The following IYD variants were observed in gnomAD, a reference collection of about 807,000 sequenced individuals.
IYD encodes the protein iodotyrosine deiodinase, also known as iodotyrosine deiodinase 1.
A neutral mutation model predicts 28.4 loss-of-function variants in IYD; 25 were observed. The observed-to-expected ratio is 0.88, with a 90% CI of 0.64 to 1.23. The LOEUF (loss-of-function observed/expected upper bound fraction) is 1.23. Ranked by LOEUF, IYD falls within the 50% of genes most tolerant of loss-of-function variation. IYD has a pLI of 0.00. For synonymous variants in IYD, 140 were observed against 130.8 expected (o/e 1.07, Z -0.48); for missense variants, 352 against 357.9 (o/e 0.98, Z 0.13).
At chr6:150,388,667 C>CTTTCTTTCTTTCTTTT (rs1554231505) in intron 1 of IYD, among the ~76,000 whole-genome samples, 18 of 135,938 alleles carry the variant, frequency 1.3e-4, no homozygotes, top group African/African-American at 4.9e-4. Flanking sequence ...TTCTTTCTTT[C>CTTTCTTTCTTTCTTTT]TTTCTTTCTT....
intron 1 of IYD, among the ~76,000 whole-genome samples, chr6:150,383,101 G>A (rs987747725): frequency 2.3e-4 from 35 of 152,178 alleles, no homozygotes; most frequent in African/African-American, 1.2e-4. Flanking sequence ...ATGCACTTTT[G>A]TGCTTACATG....
Position 150,389,353 on chromosome 6 carries a change from T to C in IYD, c.180T>C (p.Asp60=). Reference sequence around the variant, plus strand: ...TACCTTTCTTATTCTTATTTGCAGATGCTGATGAATGGCAAGAATCAGAAG... The same window carrying C: ...TACCTTTCTTATTCTTATTTGCAGACGCTGATGAATGGCAAGAATCAGAAG... ...DSSDLHQAEE[D]ADEWQESEEN... is the part of the protein sequence containing the mutation. The change falls in exon 2 of 5, where the codon GAT becomes GAC. Residue 60 remains aspartate, a splice_region_variant and synonymous_variant. Coordinates refer to ENST00000344419, the MANE Select transcript of IYD (RefSeq NM_203395.3). 2 of 1,612,104 alleles carry C rather than the reference T, an allele frequency of 1.2e-6. No individual in the cohort carries two copies. The highest frequency in any genetic ancestry group is 4.5e-5 in the East Asian group (2 of 44,860).
chr6:150,371,923 C>T (rs1472195220), intron 1 of IYD, among the ~76,000 whole-genome samples: 1 of 152,130 alleles, frequency 6.6e-6, no homozygotes, highest in African/African-American at 2.4e-5. Flanking sequence ...GGCTTCTCAG[C>T]CCCCCAAGTC....
At chr6:150,392,945 A>C (rs934540514) in intron 3 of IYD, among the ~76,000 whole-genome samples, 15 of 151,948 alleles carry the variant, frequency 9.9e-5, no homozygotes, top group African/African-American at 3.1e-4. Flanking sequence ...AGGGGAATTC[A>C]GTGTAAGTAG....
chr6:150,369,872 A>G (rs1467368849), intron 1 of IYD: 10 of 670,084 alleles, frequency 1.5e-5, no homozygotes, highest in Admixed American at 2.2e-5. Flanking sequence ...CCAAAGGAGC[A>G]GAAGCACCTG....
chr6:150,398,157 C>T lies in IYD; in HGVS notation c.790C>T (p.Pro264Ser). 6.2e-7 allele frequency: 1 copy of T among 1,614,212 alleles called. No individual in the cohort carries two copies. Among genetic ancestry groups the T allele is most frequent in the Non-Finnish European group, 8.5e-7 (1 of 1,180,040 alleles). The change falls in exon 5 of 5, where the codon CCC (proline) becomes TCC (serine). Residue 264 changes from proline (P) to serine (S), a missense_variant. Coordinates refer to ENST00000344419, the MANE Select transcript of IYD (RefSeq NM_203395.3). ...ACATGAAAAGCTGCTGATGCTGCTC[C>T]CCGTGGGGTACCCCAGCAAGGAGGC... ...PAHEKLLMLLPVGYPSKEATV... is the reference protein window; with the variant it reads ...PAHEKLLMLLSVGYPSKEATV...
chr6:150,377,954 C>T (rs1777509807), intron 1 of IYD, among the ~76,000 whole-genome samples: 1 of 152,148 alleles, frequency 6.6e-6, no homozygotes, highest in African/African-American at 2.4e-5. Flanking sequence ...ACCACTCCCC[C>T]ATCACACATA....
chr6:150,390,978 C>T (rs985126559), intron 2 of IYD, among the ~76,000 whole-genome samples: 17 of 152,138 alleles, frequency 1.1e-4, no homozygotes, highest in Non-Finnish European at 1.5e-5. Context: ...GTGGTTCACA[C>T]CTGTAATCCC....
intron 1 of IYD, among the ~76,000 whole-genome samples, chr6:150,383,404 A>G (rs1166950223): frequency 6.6e-6 from 1 of 152,194 alleles, no homozygotes; most frequent in Non-Finnish European, 1.5e-5. Flanking sequence ...GGGCATTTGA[A>G]TGCTGGTCTA....
intron 1 of IYD, chr6:150,370,108 C>T (rs1389513340): frequency 2.9e-6 from 2 of 694,930 alleles, no homozygotes; most frequent in Non-Finnish European, 5.3e-6. Context: ...CTGTGATCTT[C>T]AGCTGGGCTA....
intron 3 of IYD, among the ~76,000 whole-genome samples, chr6:150,393,253 C>T (rs968602326): frequency 6.6e-6 from 1 of 152,182 alleles, no homozygotes; most frequent in Non-Finnish European, 1.5e-5. Context: ...GTAGCTTGCC[C>T]AGTGGCCAAG....
intron 2 of IYD, chr6:150,389,756 T>TGAC (rs1778041346): frequency 1.8e-6 from 1 of 542,220 alleles, no homozygotes; most frequent in East Asian, 3.3e-5. Flanking sequence ...GAAGAAGATG[T>TGAC]GACAATAGTT....
Position 150,372,644 on chromosome 6 carries a change from T to TG in IYD, c.178+3440dup, listed in dbSNP as rs35274793. On this transcript the variant is annotated intron_variant, in intron 1 of 4. Coordinates refer to ENST00000344419, the MANE Select transcript of IYD (RefSeq NM_203395.3). Reference sequence around the variant, plus strand: ...TAGACATGTGTGTGTATGGGTGGGGTGGGGGTGGTGAGGGAACATTGTGTG... The same window carrying TG: ...TAGACATGTGTGTGTATGGGTGGGGTGGGGGGTGGTGAGGGAACATTGTGTG... Among the ~76,000 whole-genome samples, 5 of 9,822 alleles carry TG rather than the reference T, an allele frequency of 5.1e-4. 1 individual carries two copies. The highest frequency in any genetic ancestry group is 7.0e-4 in the Non-Finnish European group (3 of 4,312). 6.4% of individuals were successfully genotyped at this position (9,822 alleles called of 152,430 possible). A position where few individuals can be genotyped will look rare whatever the true frequency, so the allele number is the denominator to read the frequency against.
chr6:150,379,148 A>G (rs9371429), intron 1 of IYD, among the ~76,000 whole-genome samples: 9,795 of 152,188 alleles, frequency 0.064, 560 homozygotes, highest in East Asian at 0.3. Flanking sequence ...GGATGGTTCC[A>G]TCATCTAACC....
chr6:150,383,491 A>C (rs891968117), intron 1 of IYD, among the ~76,000 whole-genome samples: 1 of 152,236 alleles, frequency 6.6e-6, no homozygotes, highest in African/African-American at 2.4e-5. Flanking sequence ...AATGCATACA[A>C]GAAAATGTTT....
intron 1 of IYD, among the ~76,000 whole-genome samples, chr6:150,376,204 G>T (rs183962801): frequency 6.6e-6 from 1 of 152,266 alleles, no homozygotes; most frequent in Admixed American, 6.5e-5. Flanking sequence ...GGCCAAAACT[G>T]CTCCTGCTAG....
chr6:150,380,715 C>T (rs192670894), intron 1 of IYD, among the ~76,000 whole-genome samples: 17 of 149,196 alleles, frequency 1.1e-4, no homozygotes, highest in South Asian at 2.1e-4. Flanking sequence ...TCTTCTTCCA[C>T]CTCACACCAA....
intron 1 of IYD, chr6:150,370,103 A>G: frequency 1.4e-6 from 1 of 697,258 alleles, no homozygotes; most frequent in Non-Finnish European, 2.6e-6. Context: ...AGGCTCTGTG[A>G]TCTTCAGCTG....
chr6:150,397,950 G>C (rs1235803360), intron 4 of IYD, 105 bp from the exon 5 acceptor site: 2 of 1,145,596 alleles, frequency 1.7e-6, no homozygotes, highest in African/African-American at 3.0e-5. Flanking sequence ...TCAGGGAAAT[G>C]ATAGGAAGAG....
Sources: allele counts gnomAD v4.1 joint callset (sites outside exome capture counted in the v4.1 genomes callset), GRCh38; gene constraint gnomAD v4.1.1; transcripts MANE v1.5; gene names NCBI Gene and HGNC (gene_info 2026-07-23, HGNC 2026-07-21).